The following NRXN1 variants were observed in gnomAD, a reference collection of about 807,000 sequenced individuals.
The protein encoded by NRXN1 is neurexin-1.
In NRXN1, 39 loss-of-function variants were observed where a neutral mutation model predicts 150.9. The ratio of observed to expected loss-of-function variants is 0.26; its 90% CI spans 0.20 to 0.34. The LOEUF (loss-of-function observed/expected upper bound fraction) is 0.34. Among genes scored for constraint, NRXN1 ranks in the 10% least tolerant of loss-of-function variants. The pLI is 1.00. For synonymous variants in NRXN1, 924 were observed against 757.0 expected (o/e 1.22, Z -3.62); for missense variants, 1,815 against 1,949.9 (o/e 0.93, Z 1.30).
chr2:50,346,672 C>CTTGG lies in NRXN1; in HGVS notation c.3365-109706_3365-109703dup, dbSNP rs759566161. 4.3e-6 allele frequency: 7 copies of CTTGG among 1,612,200 alleles called. No individual in the cohort carries two copies. The East Asian group carries it at 1.6e-4, about 36-fold the overall frequency. On this transcript the variant is annotated intron_variant, in intron 17 of 22. Transcript: ENST00000401669. This position sits in a 1 kb window ranked among gnomAD's most constrained non-coding sequence, Gnocchi z 5.0. ...GGAGCGAGGGGATAACCCGCGAGAA[C>CTTGG]TTGGCATCGCAGACCCACCGTGTCC... is the stretch of plus-strand genomic sequence containing the variant.
chr2:50,593,485 T>C (rs186066937), intron 8 of NRXN1, among the ~76,000 whole-genome samples: 1 of 152,324 alleles, frequency 6.6e-6, no homozygotes, highest in Admixed American at 6.5e-5. Flanking sequence ...GTCTCTTTGA[T>C]ACTATCAATT....
rs144874561 is a variant in NRXN1 at position 50,278,402 on chromosome 2, T to C, written c.3365-41432A>G. On this transcript the variant is annotated intron_variant, in intron 17 of 22. Coordinates refer to ENST00000401669, the MANE Select transcript of NRXN1 (RefSeq NM_001330078.2). ...CCTGACCTCAAGTGCTCCGCCCCCC[T>C]TGGCCTCCCAAAGTGCTGGGATTAC... 6.0e-3 allele frequency among the ~76,000 whole-genome samples: 879 copies of C among 147,462 alleles called. 8 individuals are homozygous for C. The highest frequency in any genetic ancestry group is 0.021 in the African/African-American group (829 of 39,720).
chr2:50,276,629 A>T (rs1198668450), intron 17 of NRXN1, among the ~76,000 whole-genome samples: 1 of 152,196 alleles, frequency 6.6e-6, no homozygotes, highest in Non-Finnish European at 1.5e-5. Flanking sequence ...AAAATTTTAA[A>T]AAGAAGAGTG....
Position 50,749,081 on chromosome 2 carries a change from T to C in NRXN1, c.833-125466A>G, listed in dbSNP as rs140530544. 2.7e-4 allele frequency among the ~76,000 whole-genome samples: 41 copies of C among 152,270 alleles called. No homozygotes were observed. The East Asian group carries it at 7.4e-3, about 27-fold the overall frequency. ...TCCCAATCCATCCTCAGATTTTCTT[T>C]TACACATTTTCTCAAACTGAAACGT... On this transcript the variant is annotated intron_variant, in intron 5 of 22. Coordinates refer to ENST00000401669, the MANE Select transcript of NRXN1 (RefSeq NM_001330078.2).
intron 17 of NRXN1, chr2:50,312,729 T>G (rs778445314): frequency 9.7e-6 from 5 of 516,434 alleles, no homozygotes; most frequent in African/African-American, 7.7e-5. Flanking sequence ...ATCAGATTTG[T>G]GTCATAGGTA....
At chr2:50,352,213 A>C (rs940983962) in intron 17 of NRXN1, among the ~76,000 whole-genome samples, 3 of 152,298 alleles carry the variant, frequency 2.0e-5, no homozygotes, top group Admixed American at 6.5e-5. Flanking sequence ...AGGAAAACAC[A>C]AAAGAAATAG....
At chr2:50,021,550 G>C (rs1187079488) in intron 21 of NRXN1, among the ~76,000 whole-genome samples, 2 of 152,092 alleles carry the variant, frequency 1.3e-5, no homozygotes, top group Non-Finnish European at 2.9e-5. Flanking sequence ...TAGTGAAGAA[G>C]TATTTTTCTA....
At chr2:50,690,361 A>G (rs924010941) in intron 5 of NRXN1, among the ~76,000 whole-genome samples, 22 of 152,216 alleles carry the variant, frequency 1.4e-4, no homozygotes, top group African/African-American at 5.3e-4. Flanking sequence ...GGCCCATACT[A>G]TGAATGATTC....
chr2:50,258,288 G>A (rs2067914598), intron 17 of NRXN1, among the ~76,000 whole-genome samples: 1 of 152,050 alleles, frequency 6.6e-6, no homozygotes, highest in African/African-American at 2.4e-5. Context: ...CCCTGCTGCT[G>A]CTTTTTCAAC....
intron 19 of NRXN1, among the ~76,000 whole-genome samples, chr2:50,079,735 T>C (rs917991927): frequency 5.0e-4 from 76 of 152,116 alleles, no homozygotes; most frequent in African/African-American, 1.8e-3. Flanking sequence ...AATAAGAAAA[T>C]AATGGTGAGA....
chr2:50,601,982 G>C (rs1019722414), intron 8 of NRXN1, among the ~76,000 whole-genome samples: 4 of 152,104 alleles, frequency 2.6e-5, no homozygotes, highest in African/African-American at 9.7e-5. Context: ...TAAAGAGTCT[G>C]GACCAAGAAT....
chr2:50,968,954 C>G (rs895043475), intron 2 of NRXN1, among the ~76,000 whole-genome samples: 10 of 152,086 alleles, frequency 6.6e-5, no homozygotes, highest in Non-Finnish European at 1.5e-4. Flanking sequence ...CTTAGTCTGG[C>G]CTATTTGTCT....
intron 17 of NRXN1, among the ~76,000 whole-genome samples, chr2:50,306,284 T>C (rs1015738211): frequency 2.0e-5 from 3 of 152,206 alleles, no homozygotes; most frequent in African/African-American, 7.2e-5. Context: ...ATTGGTCTTT[T>C]ACTAATAAAA....
intron 2 of NRXN1, among the ~76,000 whole-genome samples, chr2:50,933,820 G>A (rs368169615): frequency 6.6e-6 from 1 of 152,042 alleles, no homozygotes; most frequent in East Asian, 1.9e-4. Flanking sequence ...TGAACAGAAA[G>A]AGAAATTTCC....
intron 5 of NRXN1, among the ~76,000 whole-genome samples, chr2:50,898,229 C>A (rs1398915924): frequency 6.6e-6 from 1 of 152,108 alleles, no homozygotes; most frequent in African/African-American, 2.4e-5. Context: ...ACTTTTTCCT[C>A]AAAAATTTTC....
At chr2:50,574,356 G>A (rs1281968593) in intron 8 of NRXN1, among the ~76,000 whole-genome samples, 2 of 152,032 alleles carry the variant, frequency 1.3e-5, no homozygotes, top group African/African-American at 4.8e-5. Flanking sequence ...AAAAAAATCT[G>A]AATTGAAATT....
At chr2:50,584,203 T>C (rs1259890272) in intron 8 of NRXN1, among the ~76,000 whole-genome samples, 3 of 152,198 alleles carry the variant, frequency 2.0e-5, no homozygotes, top group African/African-American at 7.2e-5. Flanking sequence ...GATAATGGGT[T>C]CAAAGGTATG....
At chr2:49,964,558 A>T (rs75020984) in intron 21 of NRXN1, among the ~76,000 whole-genome samples, 1 of 151,208 alleles carries the variant, frequency 6.6e-6, no homozygotes, top group Non-Finnish European at 1.5e-5. Flanking sequence ...TCAGCAAAAA[A>T]GCCAGGCCTG....
intron 21 of NRXN1, among the ~76,000 whole-genome samples, chr2:49,987,129 T>A (rs1380025031): frequency 6.6e-6 from 1 of 152,162 alleles, no homozygotes; most frequent in Non-Finnish European, 1.5e-5. Context: ...TTCCTCCTTA[T>A]CTAACTGTAA....
Sources: allele counts gnomAD v4.1 joint callset (sites outside exome capture counted in the v4.1 genomes callset), GRCh38; gene constraint gnomAD v4.1.1; non-coding constraint Gnocchi (gnomAD v3.1); transcripts MANE v1.5; gene names NCBI Gene and HGNC (gene_info 2026-07-23, HGNC 2026-07-21).